The following COL9A3 variants were observed in gnomAD, a reference collection of about 807,000 sequenced individuals.
COL9A3 encodes the protein collagen alpha-3(IX) chain.
Under a neutral mutation model 110.2 loss-of-function variants are expected in COL9A3, and 82 were observed. The observed-to-expected ratio is 0.74, with a 90% confidence interval of 0.62 to 0.89. The LOEUF (loss-of-function observed/expected upper bound fraction) is 0.89. Among genes scored for constraint, COL9A3 ranks in the 40% least tolerant of loss-of-function variants. The probability of loss-of-function intolerance (pLI) is 0.00; values close to 1 mark genes in which losing one functional copy is unlikely to be tolerated. For synonymous variants in COL9A3, 494 were observed against 403.8 expected (o/e 1.22, Z -2.68); for missense variants, 1,066 against 981.3 (o/e 1.09, Z -1.15).
rs202005710 is a variant in COL9A3 at position 62,825,851 on chromosome 20, C to G, written c.665C>G (p.Pro222Arg). ...GGCCCCCCTGGGCCCGCCGGCCTCC[C>G]GGGCAGCGTGGGGCTGCAGGTGAGG... is the stretch of plus-strand genomic sequence containing the variant. Reference protein sequence around the residue: ...DPGPPGPAGLPGSVGLQGPRG... With the variant: ...DPGPPGPAGLRGSVGLQGPRG... The change falls in exon 13 of 32, where the codon CCG becomes CGG. Residue 222 changes from proline (P) to arginine (R), a missense_variant. Transcript: ENST00000649368. 7.1e-6 allele frequency: 11 copies of G among 1,559,142 alleles called. No individual in the cohort carries two copies. In the East Asian group the frequency reaches 2.4e-4, roughly 34 times the overall value.
At chr20:62,836,746 A>T in intron 29 of COL9A3, 5 of 633,966 alleles carry the variant, frequency 7.9e-6, no homozygotes, top group Non-Finnish European at 1.4e-5. Context: ...CCCCGGATTC[A>T]ACCAGATTCC....
chr20:62,825,644 G>A (rs772189440), intron 12 of COL9A3, 173 bp from the exon 13 acceptor site: 16 of 696,416 alleles, frequency 2.3e-5, no homozygotes, highest in Middle Eastern at 6.0e-4. Flanking sequence ...ACCGAGACTC[G>A]CGGGACTGCT....
rs1291260570 is a variant in COL9A3, at chr20:62,837,101, C to G, written c.1622C>G (p.Ala541Gly). Reference sequence around the variant, plus strand: ...CCCAAAGAACAAATTGCACAGTTAGCCGCGCACCTAAGGAAGCCTTTGGCA... The same window carrying G: ...CCCAAAGAACAAATTGCACAGTTAGGCGCGCACCTAAGGAAGCCTTTGGCA... Reference protein sequence around the residue: ...GMISEQIAQLAAHLRKPLAPG... With the variant: ...GMISEQIAQLGAHLRKPLAPG... Residue 541 changes from alanine to glycine, a missense_variant, in exon 30 of 32, where the codon GCC becomes GGC. Physicochemically the swap from Ala to Gly is moderately conservative, Grantham distance 60 (BLOSUM62 0). Transcript: ENST00000649368. The G allele has an allele frequency of 6.2e-7, 1 of 1,613,302 alleles. No individual in the cohort carries two copies. The highest frequency in any genetic ancestry group is 1.7e-5 in the Admixed American group (1 of 60,008).
intron 8 of COL9A3, 63 bp downstream of exon 8, chr20:62,821,873 A>G (rs2063515923): frequency 2.2e-6 from 2 of 925,228 alleles, no homozygotes; most frequent in Admixed American, 3.7e-5. Context: ...CCCAGACTCA[A>G]CAGCCAGGGG....
intron 24 of COL9A3, chr20:62,831,894 A>G (rs2063600098): frequency 1.8e-6 from 1 of 561,940 alleles, no homozygotes; most frequent in Non-Finnish European, 3.2e-6. Context: ...CACCCGCACG[A>G]ATTCACGGGT....
chr20:62,838,453 A>C (rs1040481996), intron 30 of COL9A3, among the ~76,000 whole-genome samples: 2 of 152,230 alleles, frequency 1.3e-5, no homozygotes, highest in African/African-American at 4.8e-5. Flanking sequence ...ACTGTCACCT[A>C]TGCGGTGCGT....
intron 31 of COL9A3, 107 bp from the exon 32 acceptor site, chr20:62,840,435 T>TGAA: frequency 1.9e-6 from 2 of 1,074,528 alleles, no homozygotes; most frequent in South Asian, 2.5e-5. Flanking sequence ...TCTCCCCAAG[T>TGAA]GAAGAGTGAG....
chr20:62,830,485 G>C (rs767973370), intron 23 of COL9A3, 32 bp from the exon 24 acceptor site: 1 of 1,602,034 alleles, frequency 6.2e-7, no homozygotes, highest in South Asian at 1.1e-5. Flanking sequence ...GACAGGGTAT[G>C]GGCACTGACG....
intron 11 of COL9A3, 117 bp downstream of exon 11, chr20:62,824,618 GC>G: frequency 9.2e-7 from 1 of 1,091,348 alleles, no homozygotes; most frequent in Non-Finnish European, 1.4e-6. Flanking sequence ...TTCCAGGGTT[GC>G]CCCAGGAAGA....
intron 28 of COL9A3, 24 bp downstream of exon 28, chr20:62,836,357 C>T: frequency 1.9e-6 from 3 of 1,613,870 alleles, no homozygotes; most frequent in Non-Finnish European, 2.5e-6. Context: ...CCGGCTTTTC[C>T]AGCTTTCACA....
intron 26 of COL9A3, 100 bp downstream of exon 26, chr20:62,833,164 C>G: frequency 1.0e-6 from 1 of 989,648 alleles, no homozygotes; most frequent in Non-Finnish European, 1.6e-6. Context: ...TCTGCAGCTC[C>G]CGGTGGAAGA....
chr20:62,818,659 G>T, intron 3 of COL9A3, 106 bp downstream of exon 3: 2 of 1,247,216 alleles, frequency 1.6e-6, no homozygotes, highest in South Asian at 2.4e-5. Flanking sequence ...CCGGAGCCCG[G>T]GTTGCCTGAG....
At chr20:62,829,306 A>G in intron 19 of COL9A3, 149 bp from the exon 20 acceptor site, 2 of 1,085,670 alleles carry the variant, frequency 1.8e-6, no homozygotes, top group Non-Finnish European at 2.7e-6. Context: ...TCAAAGCCGC[A>G]CCTCAGGTCC....
intron 1 of COL9A3, 91 bp from the exon 2 acceptor site, chr20:62,817,476 G>GC: frequency 1.1e-6 from 1 of 925,168 alleles, no homozygotes; most frequent in Non-Finnish European, 1.7e-6. Context: ...GTCGTCGCAG[G>GC]CCCCGGAGCC....
At chr20:62,833,224 C>G (rs2063610096) in intron 26 of COL9A3, among the ~76,000 whole-genome samples, 160 bp downstream of exon 26, 1 of 152,184 alleles carries the variant, frequency 6.6e-6, no homozygotes, top group African/African-American at 2.4e-5. Flanking sequence ...CGGGCAGAGG[C>G]CTTGGCCACT....
Position 62,827,875 on chromosome 20 carries a change from C to T in COL9A3, c.847-48C>T, listed in dbSNP as rs199553364. 6.4e-5 allele frequency: 102 copies of T among 1,589,130 alleles called. 1 individual carries two copies. The highest frequency in any genetic ancestry group is 1.3e-4 in the South Asian group (12 of 90,666). On this transcript the variant is annotated intron_variant, in intron 16 of 31. Transcript: ENST00000649368. ...CAGCTGGCCGGAGAATGCGTGAGGC[C>T]GTCTGGGAAGAGACTGCCACTGCTT...
chr20:62,829,498 G>A lies in COL9A3; in HGVS notation c.1052G>A (p.Arg351Gln), dbSNP rs752483618. The A allele has an allele frequency of 2.5e-6, 4 of 1,612,898 alleles. No individual in the cohort carries two copies. Among genetic ancestry groups the A allele is most frequent in the South Asian group, 1.1e-5 (1 of 91,078 alleles). Residue 351 changes from arginine to glutamine, a missense_variant and splice_region_variant, in exon 20 of 32, where the codon CGG (arginine) becomes CAG (glutamine). Arg to Gln is a conservative substitution (Grantham distance 43). Coordinates refer to ENST00000649368, the MANE Select transcript of COL9A3 (RefSeq NM_001853.4). ...RAGSKGEKGE[R>Q]GRAGELGEAG... ...GGGTCCAAAGGCGAGAAGGGAGAAC[G>A]GGTATGTGGCTGCAGCCGCTTTCTC...
At chr20:62,838,799 A>T (rs2063654023) in intron 31 of COL9A3, 38 bp downstream of exon 31, 1 of 1,496,358 alleles carries the variant, frequency 6.7e-7, no homozygotes, top group African/African-American at 1.4e-5. Context: ...ACTGGGTGAC[A>T]TCTCTTCCGC....
chr20:62,840,722 G>A lies in COL9A3; in HGVS notation c.2045G>A (p.Arg682Gln), dbSNP rs776652428. ...LGGVGEKSGS[R>Q]SS ...GGGGTCGGGGAGAAATCAGGCTCTC[G>A]AAGCTCATAAAATTCAACGTGAGGA... is the stretch of plus-strand genomic sequence containing the variant. Residue 682 changes from arginine to glutamine, a missense_variant, in exon 32 of 32, where the codon CGA (arginine) becomes CAA (glutamine). Coordinates refer to ENST00000649368, the MANE Select transcript of COL9A3 (RefSeq NM_001853.4). The A allele has an allele frequency of 1.0e-5, 16 of 1,570,452 alleles. No homozygotes were observed. The highest frequency in any genetic ancestry group is 1.7e-4 in the Middle Eastern group (1 of 6,032).
Sources: gnomAD v4.1 joint callset for allele counts (sites outside exome capture counted in the v4.1 genomes callset) on GRCh38, gnomAD v4.1.1 for gene constraint, MANE v1.5 for transcripts, NCBI Gene and HGNC (gene_info 2026-07-23, HGNC 2026-07-21) for gene names.